The following CDK5RAP2 variants were observed in gnomAD, a reference collection of about 807,000 sequenced individuals.
CDK5RAP2 encodes the protein CDK5 regulatory subunit-associated protein 2.
A neutral mutation model predicts 232.9 loss-of-function variants in CDK5RAP2; 147 were observed. That is an observed-to-expected ratio of 0.63 (90% CI 0.55 to 0.72). CDK5RAP2 has a LOEUF of 0.72. Ranked by LOEUF, CDK5RAP2 falls within the 30% of genes least tolerant of loss-of-function variation. The pLI is 0.00. For synonymous variants in CDK5RAP2, 833 were observed against 833.7 expected (o/e 1.00, Z 0.01); for missense variants, 2,195 against 2,231.5 (o/e 0.98, Z 0.33).
At chr9:120,473,800 T>C (rs1410010181) in intron 15 of CDK5RAP2, among the ~76,000 whole-genome samples, 7 of 152,232 alleles carry the variant, frequency 4.6e-5, no homozygotes, top group Non-Finnish European at 1.0e-4. Context: ...GAGAAGCTCC[T>C]GCGATTAGGG....
chr9:120,416,470 G>T (rs1157219413), intron 27 of CDK5RAP2, among the ~76,000 whole-genome samples: 1 of 152,196 alleles, frequency 6.6e-6, no homozygotes, highest in East Asian at 1.9e-4. Flanking sequence ...TACAGACAAG[G>T]AAAGACACAA....
At chr9:120,579,755 GTGTC>G (rs1254623793) in intron 1 of CDK5RAP2, among the ~76,000 whole-genome samples, 161 bp downstream of exon 1, 2 of 152,186 alleles carry the variant, frequency 1.3e-5, no homozygotes, top group East Asian at 3.8e-4. Context: ...GCCCTCCAGA[GTGTC>G]AGGTGGTGGG....
intron 31 of CDK5RAP2, chr9:120,407,960 C>A (rs939400545): frequency 3.0e-5 from 9 of 299,362 alleles, no homozygotes; most frequent in African/African-American, 8.6e-5. Flanking sequence ...TACTATGTGT[C>A]AGGTATCTTG....
chr9:120,424,165 T>C (rs2034739337), intron 25 of CDK5RAP2, among the ~76,000 whole-genome samples: 1 of 152,250 alleles, frequency 6.6e-6, no homozygotes, highest in Admixed American at 6.5e-5. Context: ...GGAGGTTTAA[T>C]GTTTCAACTC....
rs1377780761 is a variant in CDK5RAP2, at chr9:120,491,350, T to C, written c.1439A>G (p.Lys480Arg). Residue 480 changes from lysine (K) to arginine (R), a missense_variant, in exon 13 of 38, where the codon AAA (lysine) becomes AGA (arginine). Transcript: ENST00000349780. The part of the protein sequence containing the change: ...KKLHNQEQVI[K>R]HLTESTNQKD... ...CTGATTGGTACTTTCTGTTAGATGTTTGATCACTTGCTCTTGATTGTGCAA... is the reference window on the plus strand; with the variant it reads ...CTGATTGGTACTTTCTGTTAGATGTCTGATCACTTGCTCTTGATTGTGCAA... 1.2e-6 allele frequency: 2 copies of C among 1,613,674 alleles called. No homozygotes were observed. Among genetic ancestry groups the C allele is most frequent in the South Asian group, 1.1e-5 (1 of 91,026 alleles).
At chr9:120,567,002 G>A (rs1030210995) in intron 3 of CDK5RAP2, among the ~76,000 whole-genome samples, 2 of 152,266 alleles carry the variant, frequency 1.3e-5, no homozygotes, top group South Asian at 2.1e-4. Flanking sequence ...TTGCAGAGCC[G>A]CTTTAATATT....
intron 18 of CDK5RAP2, 127 bp downstream of exon 18, chr9:120,467,733 C>T (rs1001086047): frequency 1.4e-5 from 13 of 949,826 alleles, no homozygotes; most frequent in Non-Finnish European, 1.8e-5. Context: ...GCAGCCTCAA[C>T]GTCCTGGGCC....
At position 120,403,511 on chromosome 9, in the gene CDK5RAP2, T is replaced by TC; in HGVS notation, c.5042-441_5042-440insG. 3.6e-6 allele frequency: 1 copy of TC among 280,938 alleles called. No homozygotes were observed. The highest frequency in any genetic ancestry group is 6.9e-6 in the Non-Finnish European group (1 of 145,738). The allele number at this position is 280,938 out of a possible 1,614,324, so 17.4% of individuals were successfully genotyped here. A position where few individuals can be genotyped will look rare whatever the true frequency, so the allele number is the denominator to read the frequency against. On this transcript the variant is annotated intron_variant, in intron 33 of 37. Coordinates refer to ENST00000349780, the MANE Select transcript of CDK5RAP2 (RefSeq NM_018249.6). The surrounding 1 kb of genome is among the most constrained non-coding windows in gnomAD (Gnocchi z 4.2). ...TTCTGAGAAGGAGCAGCATTTGAAC[T>TC]GGATTGAGCAAGTAGCAAGAATTAC...
chr9:120,492,663 C>T (rs2038966001), intron 12 of CDK5RAP2, among the ~76,000 whole-genome samples: 2 of 152,074 alleles, frequency 1.3e-5, no homozygotes, highest in African/African-American at 4.8e-5. Flanking sequence ...ATTTGTACAT[C>T]CCTAGTGGGA....
At chr9:120,538,999 C>G in intron 6 of CDK5RAP2, 42 bp downstream of exon 6, 1 of 1,606,568 alleles carries the variant, frequency 6.2e-7, no homozygotes, top group Non-Finnish European at 8.5e-7. Context: ...TATTATTAAC[C>G]CACTATAAGA....
At chr9:120,578,847 G>A (rs1219259458) in intron 1 of CDK5RAP2, among the ~76,000 whole-genome samples, 2 of 152,166 alleles carry the variant, frequency 1.3e-5, no homozygotes, top group African/African-American at 4.8e-5. Context: ...GATTACACAG[G>A]TGAGCCACCG....
chr9:120,443,734 G>A lies in CDK5RAP2; in HGVS notation c.3034C>T (p.Pro1012Ser), dbSNP rs141496431. 3.1e-6 allele frequency: 5 copies of A among 1,613,888 alleles called. No homozygotes were observed. The highest frequency in any genetic ancestry group is 4.2e-6 in the Non-Finnish European group (5 of 1,179,998). ...CTGTCCTGGTAGGCTGCTCCCACAG[G>A]GGGCTGAGCTACAGGCAATCACAAA... ...PDKTLLNAQP[P>S]VGAAYQDSPG... is the part of the protein sequence containing the mutation. Residue 1012 changes from proline (P) to serine (S), a missense_variant, in exon 23 of 38, where the codon CCT becomes TCT. Physicochemically the swap from Pro to Ser is moderately conservative, Grantham distance 74. Transcript: ENST00000349780.
chr9:120,562,133 C>T (rs2042484024), intron 3 of CDK5RAP2, among the ~76,000 whole-genome samples: 1 of 152,188 alleles, frequency 6.6e-6, no homozygotes, highest in Non-Finnish European at 1.5e-5. Context: ...TGGCAACAAA[C>T]ACCTTCATCA....
At position 120,390,009 on chromosome 9, in the gene CDK5RAP2, G is replaced by A. The variant is rs191092101; in HGVS notation, c.5579-222C>T. 442 of 569,294 alleles carry A rather than the reference G, an allele frequency of 7.8e-4. 5 individuals carry two copies. The Admixed American group carries it at 8.4e-3, about 11-fold the overall frequency. The allele number at this position is 569,294 out of a possible 1,614,324, so 35.3% of individuals were successfully genotyped here. A position where few individuals can be genotyped will look rare whatever the true frequency, so the allele number is the denominator to read the frequency against. ...ATCAACAACACCTCTTTGAGGCCCCGCTAAGCCACCACCTGACAGTGATGC... is the reference window on the plus strand; with the variant it reads ...ATCAACAACACCTCTTTGAGGCCCCACTAAGCCACCACCTGACAGTGATGC... On this transcript the variant is annotated intron_variant, in intron 36 of 37. Coordinates refer to ENST00000349780, the MANE Select transcript of CDK5RAP2 (RefSeq NM_018249.6).
intron 25 of CDK5RAP2, among the ~76,000 whole-genome samples, chr9:120,431,208 C>T (rs1388469189): frequency 6.6e-6 from 1 of 152,130 alleles, no homozygotes; most frequent in East Asian, 1.9e-4. Context: ...CACATGTATA[C>T]ATATGTAACT....
chr9:120,451,915 C>A (rs2036500546), intron 21 of CDK5RAP2, among the ~76,000 whole-genome samples: 1 of 148,314 alleles, frequency 6.7e-6, no homozygotes, highest in Non-Finnish European at 1.5e-5. Context: ...CTAGCACAAT[C>A]CCTAATAGAT....
intron 14 of CDK5RAP2, among the ~76,000 whole-genome samples, chr9:120,481,701 C>T (rs753929574): frequency 3.3e-5 from 5 of 151,992 alleles, no homozygotes; most frequent in Admixed American, 2.6e-4. Context: ...TTAGTAGAGA[C>T]GGGGTTTCAC....
chr9:120,403,910 T>G lies in CDK5RAP2; in HGVS notation c.5041+126A>C, dbSNP rs2033251535. 1 of 726,754 alleles carries G rather than the reference T, an allele frequency of 1.4e-6. No homozygotes were observed. The highest frequency in any genetic ancestry group is 2.0e-5 in the Admixed American group (1 of 50,636). 45.0% of individuals were successfully genotyped at this position (726,754 alleles called of 1,614,324 possible). A position where few individuals can be genotyped will look rare whatever the true frequency, so the allele number is the denominator to read the frequency against. On this transcript the variant is annotated intron_variant, in intron 33 of 37. Transcript: ENST00000349780. The surrounding 1 kb of genome is among the most constrained non-coding windows in gnomAD (Gnocchi z 4.2). Reference sequence around the variant, plus strand: ...ATCACCAGCTGGGGATGCTGAGAACTTGAAATCCCAAATCCTTACCAAATA... The same window carrying G: ...ATCACCAGCTGGGGATGCTGAGAACGTGAAATCCCAAATCCTTACCAAATA...
In CDK5RAP2 at chr9:120,403,490, G is replaced by C. The variant is rs2033211632; in HGVS notation, c.5042-419C>G. 7.1e-6 allele frequency: 2 copies of C among 283,294 alleles called. No individual in the cohort carries two copies. The highest frequency in any genetic ancestry group is 1.8e-4 in the East Asian group (2 of 11,024). 17.5% of individuals were successfully genotyped at this position (283,294 alleles called of 1,614,324 possible). ...GAGGGAGAGAACAGGGAAGGCTTCT[G>C]AGAAGGAGCAGCATTTGAACTGGAT... On this transcript the variant is annotated intron_variant, in intron 33 of 37. Transcript: ENST00000349780. This position sits in a 1 kb window ranked among gnomAD's most constrained non-coding sequence, Gnocchi z 4.2.
Sources: allele counts gnomAD v4.1 joint callset (sites outside exome capture counted in the v4.1 genomes callset), GRCh38; gene constraint gnomAD v4.1.1; non-coding constraint Gnocchi (gnomAD v3.1); transcripts MANE v1.5; gene names NCBI Gene and HGNC (gene_info 2026-07-23, HGNC 2026-07-21).